The following PDZRN4 variants were observed in gnomAD, a reference collection of about 807,000 sequenced individuals.
The protein encoded by PDZRN4 is PDZ domain containing ring finger 4.
A neutral mutation model predicts 99.0 loss-of-function variants in PDZRN4; 70 were observed. The observed-to-expected ratio is 0.71, with a 90% CI of 0.58 to 0.86. PDZRN4 has a LOEUF of 0.86. Among genes scored for constraint, PDZRN4 ranks in the 40% least tolerant of loss-of-function variants. The probability of loss-of-function intolerance (pLI) is 0.00; values close to 1 mark genes in which losing one functional copy is unlikely to be tolerated. For missense variants in PDZRN4, 1,474 were observed against 1,331.2 expected (o/e 1.11, Z -1.67); for synonymous variants, 551 against 501.6 (o/e 1.10, Z -1.32).
intron 3 of PDZRN4, among the ~76,000 whole-genome samples, chr12:41,364,587 C>T (rs1350455446): frequency 1.3e-5 from 2 of 152,066 alleles, no homozygotes; most frequent in African/African-American, 4.8e-5. Context: ...GCATCTCTAA[C>T]AGCTTTCTAA....
intron 3 of PDZRN4, among the ~76,000 whole-genome samples, chr12:41,418,332 T>G (rs1268885065): frequency 6.6e-6 from 1 of 152,172 alleles, no homozygotes; most frequent in Admixed American, 6.5e-5. Context: ...ATTCTGCTGG[T>G]GCATTATCTG....
At chr12:41,462,045 G>T (rs77002052) in intron 3 of PDZRN4, among the ~76,000 whole-genome samples, 1 of 151,994 alleles carries the variant, frequency 6.6e-6, no homozygotes, top group African/African-American at 2.4e-5. Flanking sequence ...GATTACATTC[G>T]CTCTGATATG....
In PDZRN4 at chr12:41,218,978, T is replaced by C. The variant is rs77734956; in HGVS notation, c.843+24790T>C. 8.6e-3 allele frequency among the ~76,000 whole-genome samples: 1,314 copies of C among 152,216 alleles called. 9 individuals carry two copies. Among genetic ancestry groups the C allele is most frequent in the Non-Finnish European group, 0.014 (919 of 67,986 alleles). On this transcript the variant is annotated intron_variant, in intron 3 of 9. Coordinates refer to ENST00000402685, the MANE Select transcript of PDZRN4 (RefSeq NM_001164595.2). ...TATTATTTTACTAGGAATATTATTG[T>C]TCCTAAAATATTCCTAGATCTAGGA... is the stretch of plus-strand genomic sequence containing the variant.
intron 3 of PDZRN4, among the ~76,000 whole-genome samples, chr12:41,497,067 A>G (rs2120647125): frequency 6.6e-6 from 1 of 152,290 alleles, no homozygotes; most frequent in East Asian, 1.9e-4. Context: ...TTTAACAAAT[A>G]GGTATTTTCC....
At chr12:41,479,168 C>T (rs1344373873) in intron 3 of PDZRN4, among the ~76,000 whole-genome samples, 1 of 152,074 alleles carries the variant, frequency 6.6e-6, no homozygotes, top group East Asian at 1.9e-4. Flanking sequence ...CAGTAGGGGA[C>T]AGATAAAAGA....
intron 3 of PDZRN4, among the ~76,000 whole-genome samples, chr12:41,422,686 G>A (rs1952502376): frequency 6.6e-6 from 1 of 152,044 alleles, no homozygotes; most frequent in Non-Finnish European, 1.5e-5. Context: ...TGGGGGAAAC[G>A]GCCCCCATGA....
At chr12:41,493,608 CAGAT>C (rs1237649888) in intron 3 of PDZRN4, among the ~76,000 whole-genome samples, 4 of 152,132 alleles carry the variant, frequency 2.6e-5, no homozygotes, top group Admixed American at 6.6e-5. Flanking sequence ...CGCATGCTCT[CAGAT>C]AGACCTGAAA....
intron 3 of PDZRN4, among the ~76,000 whole-genome samples, chr12:41,322,698 A>G (rs1034770487): frequency 2.0e-5 from 3 of 151,690 alleles, no homozygotes; most frequent in Admixed American, 6.6e-5. Context: ...GGTTTTCACC[A>G]TGTTAGCCAG....
intron 3 of PDZRN4, among the ~76,000 whole-genome samples, chr12:41,270,984 T>C (rs924229742): frequency 5.3e-5 from 8 of 152,186 alleles, no homozygotes; most frequent in African/African-American, 1.9e-4. Context: ...CACAATGAAA[T>C]TTTATTTTCT....
At chr12:41,543,981 G>T (rs1022942820) in intron 5 of PDZRN4, among the ~76,000 whole-genome samples, 1 of 152,046 alleles carries the variant, frequency 6.6e-6, no homozygotes, top group African/African-American at 2.4e-5. Context: ...TAAATTTTAG[G>T]GTCATATTTC....
chr12:41,431,966 T>C (rs781085104), intron 3 of PDZRN4, among the ~76,000 whole-genome samples: 1 of 152,208 alleles, frequency 6.6e-6, no homozygotes, highest in Admixed American at 6.5e-5. Flanking sequence ...TTTCCAGCAT[T>C]AGAAATCTCA....
At chr12:41,240,809 A>T (rs1470387782) in intron 3 of PDZRN4, among the ~76,000 whole-genome samples, 2 of 152,146 alleles carry the variant, frequency 1.3e-5, no homozygotes, top group African/African-American at 4.8e-5. Context: ...TTCACTATTC[A>T]TAAGGGCAAA....
chr12:41,323,946 C>A (rs1166316307), intron 3 of PDZRN4, among the ~76,000 whole-genome samples: 1 of 151,912 alleles, frequency 6.6e-6, no homozygotes, highest in Admixed American at 6.6e-5. Flanking sequence ...AGCTGTGTGG[C>A]TCTTAAACGT....
chr12:41,470,167 C>T (rs1952972527), intron 3 of PDZRN4, among the ~76,000 whole-genome samples: 1 of 152,000 alleles, frequency 6.6e-6, no homozygotes, highest in Non-Finnish European at 1.5e-5. Context: ...TTTACAAACC[C>T]TTTCAGTTTT....
chr12:41,376,130 G>T (rs1251311340), intron 3 of PDZRN4, among the ~76,000 whole-genome samples: 1 of 152,028 alleles, frequency 6.6e-6, no homozygotes, highest in Non-Finnish European at 1.5e-5. Flanking sequence ...GTATGTCTGT[G>T]TATATCTCAC....
chr12:41,246,359 T>C (rs1951133809), intron 3 of PDZRN4, among the ~76,000 whole-genome samples: 1 of 152,210 alleles, frequency 6.6e-6, no homozygotes, highest in Non-Finnish European at 1.5e-5. Flanking sequence ...TTTCACTCTA[T>C]ATTGAAAAGC....
intron 3 of PDZRN4, among the ~76,000 whole-genome samples, chr12:41,384,441 C>T (rs572227557): frequency 6.6e-6 from 1 of 152,100 alleles, no homozygotes; most frequent in African/African-American, 2.4e-5. Context: ...TTTTTTGACT[C>T]AATATAGATC....
chr12:41,236,940 A>G (rs1951071878), intron 3 of PDZRN4, among the ~76,000 whole-genome samples: 1 of 152,140 alleles, frequency 6.6e-6, no homozygotes, highest in Non-Finnish European at 1.5e-5. Context: ...TCCAGAGAAG[A>G]TAGAAAATGT....
intron 3 of PDZRN4, among the ~76,000 whole-genome samples, chr12:41,322,462 A>T (rs1569034): frequency 0.49 from 70,827 of 144,182 alleles, 18,995 homozygotes; most frequent in East Asian, 0.67. Flanking sequence ...TATAAAACGA[A>T]CTTTGGAAAT....
Sources: allele counts gnomAD v4.1 joint callset (sites outside exome capture counted in the v4.1 genomes callset), GRCh38; gene constraint gnomAD v4.1.1; transcripts MANE v1.5; gene names NCBI Gene and HGNC (gene_info 2026-07-23, HGNC 2026-07-21).